Variants in LTBP1 observed in about 807,000 individuals in gnomAD.
LTBP1 encodes latent transforming growth factor beta binding protein 1.
In LTBP1, 129 loss-of-function variants were observed where a neutral mutation model predicts 207.6. The ratio of observed to expected loss-of-function variants is 0.62; its 90% CI spans 0.54 to 0.72. LTBP1 has a LOEUF of 0.72. LTBP1 is among the 30% of genes least tolerant of loss of function. The pLI is 0.00. For synonymous variants in LTBP1, 963 were observed against 833.7 expected (o/e 1.16, Z -2.67); for missense variants, 2,281 against 2,217.2 (o/e 1.03, Z -0.58).
chr2:33,256,363 C>T (rs868511661), intron 11 of LTBP1, among the ~76,000 whole-genome samples: 3 of 152,076 alleles, frequency 2.0e-5, no homozygotes, highest in East Asian at 1.9e-4. Flanking sequence ...TTCCGTCCTC[C>T]GTAATCTACA....
intron 32 of LTBP1, among the ~76,000 whole-genome samples, chr2:33,390,812 T>C (rs1025192753): frequency 6.6e-6 from 1 of 152,078 alleles, no homozygotes; most frequent in Non-Finnish European, 1.5e-5. Context: ...AGATAGGTAA[T>C]TGCTGCCGAC....
At chr2:33,117,395 T>C (rs2080809279) in intron 4 of LTBP1, among the ~76,000 whole-genome samples, 1 of 152,140 alleles carries the variant, frequency 6.6e-6, no homozygotes, top group Non-Finnish European at 1.5e-5. Context: ...ATGTCTCCCC[T>C]TGAAAAAGGA....
At position 33,315,226 on chromosome 2, in the gene LTBP1, C is replaced by T; in HGVS notation, c.3687C>T (p.Cys1229=). ...LNTEGSFHCV[C]QQGFSISADG... ...CAGAGGGTTCTTTCCATTGTGTCTG[C>T]CAGCAGGGTTTCTCAATCTCTGCAG... The change falls in exon 24 of 34, where the codon TGC becomes TGT. Residue 1229 remains cysteine, a synonymous_variant. Transcript: ENST00000404816. 1 of 1,613,566 alleles carries T rather than the reference C, an allele frequency of 6.2e-7. No individual in the cohort carries two copies. Among genetic ancestry groups the T allele is most frequent in the Non-Finnish European group, 8.5e-7 (1 of 1,179,856 alleles).
intron 7 of LTBP1, among the ~76,000 whole-genome samples, chr2:33,189,708 A>G (rs2087623800): frequency 1.3e-5 from 2 of 152,188 alleles, no homozygotes; most frequent in African/African-American, 4.8e-5. Flanking sequence ...AGGAAGTAAT[A>G]TTTCATGTTA....
At chr2:33,037,015 A>G (rs1191170076) in intron 3 of LTBP1, among the ~76,000 whole-genome samples, 2 of 152,004 alleles carry the variant, frequency 1.3e-5, no homozygotes, top group Non-Finnish European at 2.9e-5. Context: ...TTTCTATCTC[A>G]TTGCTATATT....
At chr2:33,311,535 GAAA>G (rs11450471) in intron 23 of LTBP1, among the ~76,000 whole-genome samples, 1 of 138,360 alleles carries the variant, frequency 7.2e-6, no homozygotes, top group Non-Finnish European at 1.6e-5. Flanking sequence ...CCAAGAGATG[GAAA>G]AAAAAAAAAA....
chr2:32,995,789 AAAAC>A lies in LTBP1; in HGVS notation c.566-25104_566-25101del, dbSNP rs1009263671. Among the ~76,000 whole-genome samples, 21 of 152,298 alleles carry A rather than the reference AAAAC, an allele frequency of 1.4e-4. 1 individual carries two copies. The South Asian group carries it at 1.5e-3, about 11-fold the overall frequency. On this transcript the variant is annotated intron_variant, in intron 2 of 33. Transcript: ENST00000404816. ...GGGCAACAGAGCGAGACTCTGTCTC[AAAAC>A]AAACAAACAAACAAAAACACCACAT...
chr2:33,248,027 T>A (rs1403366277), intron 10 of LTBP1, among the ~76,000 whole-genome samples: 1 of 152,230 alleles, frequency 6.6e-6, no homozygotes, highest in Non-Finnish European at 1.5e-5. Context: ...TTAGTCTTCA[T>A]AATTTATCTT....
rs577188300 is a variant in LTBP1, at chr2:33,134,248, G to A, written c.1034-545G>A. Among the ~76,000 whole-genome samples the A allele has an allele frequency of 4.6e-5, 7 of 152,348 alleles. No homozygotes were observed. The South Asian group carries it at 1.5e-3, about 32-fold the overall frequency. On this transcript the variant is annotated intron_variant, in intron 4 of 33. Transcript: ENST00000404816. The surrounding 1 kb of genome is among the most constrained non-coding windows in gnomAD (Gnocchi z 4.4). ...GTCACAGCATTTGATCACTTCAGCC[G>A]AGAGTGCCAGGAGATTTGAGACAGA...
chr2:32,979,987 C>T (rs1320033927), intron 2 of LTBP1, among the ~76,000 whole-genome samples: 1 of 151,894 alleles, frequency 6.6e-6, no homozygotes, highest in Admixed American at 6.6e-5. Context: ...ACAAGTATAA[C>T]TATTTCTCCT....
intron 4 of LTBP1, among the ~76,000 whole-genome samples, chr2:33,128,875 A>T (rs1165969211): frequency 6.6e-6 from 1 of 152,254 alleles, no homozygotes; most frequent in African/African-American, 2.4e-5. Flanking sequence ...TTCAACTCTC[A>T]GTCACAGCAT....
At chr2:32,970,150 A>C (rs1001937258) in intron 2 of LTBP1, among the ~76,000 whole-genome samples, 2 of 151,992 alleles carry the variant, frequency 1.3e-5, no homozygotes, top group Admixed American at 6.6e-5. Context: ...GTTCCTTGTA[A>C]ATTCTGGATA....
At chr2:32,950,145 C>T (rs558160768) in intron 2 of LTBP1, among the ~76,000 whole-genome samples, 35 of 152,350 alleles carry the variant, frequency 2.3e-4, no homozygotes, top group Admixed American at 3.3e-4. Flanking sequence ...CATGTCCCCT[C>T]TCCCCTCAGT....
In LTBP1 at chr2:32,947,651, G is replaced by T. The variant is rs773309733; in HGVS notation, c.327G>T (p.Ala109=). The T allele has an allele frequency of 2.1e-6, 3 of 1,403,514 alleles. No individual in the cohort carries two copies. In the South Asian group the frequency reaches 4.7e-5, roughly 22 times the overall value. 86.9% of individuals were successfully genotyped at this position (1,403,514 alleles called of 1,614,324 possible). A position where few individuals can be genotyped will look rare whatever the true frequency, so the allele number is the denominator to read the frequency against. The part of the protein sequence containing the change: ...RPPPPPPPEP[A]RPAVPGGQLH... ...CGCCGCCGCCGCCGCCGGAGCCTGC[G>T]CGTCCCGCGGTCCCCGGCGGGCAGC... Residue 109 remains alanine (A), a synonymous_variant, in exon 1 of 34, where the codon GCG becomes GCT. Coordinates refer to ENST00000404816, the MANE Select transcript of LTBP1 (RefSeq NM_206943.4).
intron 24 of LTBP1, among the ~76,000 whole-genome samples, chr2:33,326,859 T>C (rs2094435011): frequency 6.6e-6 from 1 of 152,020 alleles, no homozygotes; most frequent in Non-Finnish European, 1.5e-5. Flanking sequence ...AGGGTTTCTT[T>C]CACCATGTTG....
chr2:32,998,282 C>T (rs1450403678), intron 2 of LTBP1, among the ~76,000 whole-genome samples: 3 of 152,004 alleles, frequency 2.0e-5, no homozygotes, highest in Admixed American at 6.6e-5. Flanking sequence ...CTCTGGGAGG[C>T]TGAGGTGGGC....
chr2:32,986,235 T>C (rs1683544526), intron 2 of LTBP1, among the ~76,000 whole-genome samples: 1 of 152,108 alleles, frequency 6.6e-6, no homozygotes, highest in Admixed American at 6.5e-5. Context: ...AGTCCAGGAC[T>C]CCTAGGATGA....
chr2:33,352,799 T>C (rs906355146), intron 26 of LTBP1, among the ~76,000 whole-genome samples: 1 of 152,160 alleles, frequency 6.6e-6, no homozygotes, highest in African/African-American at 2.4e-5. Flanking sequence ...CAATACCCTT[T>C]ATCTTCTGTA....
chr2:33,053,071 A>G (rs1179476092), intron 3 of LTBP1, among the ~76,000 whole-genome samples: 2 of 152,044 alleles, frequency 1.3e-5, no homozygotes, highest in Non-Finnish European at 2.9e-5. Context: ...GGGTTTCACT[A>G]TGTTGGTCAG....
Sources: allele counts gnomAD v4.1 joint callset (sites outside exome capture counted in the v4.1 genomes callset), GRCh38; gene constraint gnomAD v4.1.1; non-coding constraint Gnocchi (gnomAD v3.1); transcripts MANE v1.5; gene names NCBI Gene and HGNC (gene_info 2026-07-23, HGNC 2026-07-21).